TMEM164: variants seen among roughly 807,000 people sequenced by gnomAD.
TMEM164 encodes transmembrane protein 164, also known as RP13-360B22.2.
TMEM164 carries 4 observed loss-of-function variants against 18.8 expected under a neutral mutation model. The observed-to-expected ratio is 0.21, with a 90% CI of 0.10 to 0.49. The LOEUF (loss-of-function observed/expected upper bound fraction) is 0.49. Ranked by LOEUF, TMEM164 falls within the 20% of genes least tolerant of loss-of-function variation. The probability of loss-of-function intolerance (pLI) is 0.98; values close to 1 mark genes in which losing one functional copy is unlikely to be tolerated. For missense variants in TMEM164, 108 were observed against 239.9 expected, an observed-to-expected ratio of 0.45 and a Z score of 3.63; for synonymous variants, 86 against 101.7, an observed-to-expected ratio of 0.85 and a Z score of 0.93.
intron 4 of TMEM164, among the ~76,000 whole-genome samples, chrX:110,116,802 G>T (rs1405355656): frequency 9.3e-6 from 1 of 107,620 alleles, no homozygotes; most frequent in East Asian, 2.9e-4. Flanking sequence ...CTAGGTTCAT[G>T]TTCTGGCTGG....
intron 4 of TMEM164, among the ~76,000 whole-genome samples, chrX:110,112,739 C>T (rs1297367142): frequency 2.7e-5 from 3 of 111,764 alleles, no homozygotes; most frequent in African/African-American, 9.8e-5. Flanking sequence ...CCTCATGCTG[C>T]CTCTTCACTT....
intron 5 of TMEM164, among the ~76,000 whole-genome samples, chrX:110,168,769 T>G (rs894270479): frequency 8.9e-6 from 1 of 112,332 alleles, no homozygotes; most frequent in African/African-American, 3.2e-5. Context: ...GCCTTTTCCT[T>G]CTCTCTTTCT....
Position 110,097,882 on chromosome X carries a change from G to T in TMEM164, c.441-11198G>T, listed in dbSNP as rs776933426. ...TGAAAGCTGAGACTGGGAGAGTTCAGTGTTTTGCTTCTCATATACATTTTT... is the reference window on the plus strand; with the variant it reads ...TGAAAGCTGAGACTGGGAGAGTTCATTGTTTTGCTTCTCATATACATTTTT... On this transcript the variant is annotated intron_variant, in intron 3 of 6. Transcript: ENST00000372068. Among the ~76,000 whole-genome samples, 4 of 112,500 alleles carry T rather than the reference G, an allele frequency of 3.6e-5. No homozygotes were observed. In the South Asian group the frequency reaches 1.5e-3, roughly 41 times the overall value.
intron 3 of TMEM164, among the ~76,000 whole-genome samples, chrX:110,068,585 C>T (rs1012783207): frequency 1.8e-5 from 2 of 112,219 alleles, no homozygotes; most frequent in Non-Finnish European, 3.8e-5. Context: ...CCTTTCTTTT[C>T]TTAAGAAGCA....
intron 3 of TMEM164, among the ~76,000 whole-genome samples, chrX:110,098,522 C>T (rs963894996): frequency 7.3e-5 from 8 of 110,026 alleles, no homozygotes; most frequent in African/African-American, 2.6e-4. Flanking sequence ...TATAAGATAC[C>T]ATCAAATAGT....
rs1934590502 is a variant in TMEM164 at position 110,033,081 on chromosome X, A to G, written c.390+28917A>G. Among the ~76,000 whole-genome samples, 2 of 112,368 alleles carry G rather than the reference A, an allele frequency of 1.8e-5. 1 individual carries two copies. Among genetic ancestry groups the G allele is most frequent in the Admixed American group, 1.9e-4 (2 of 10,638 alleles). On this transcript the variant is annotated intron_variant, in intron 2 of 6. Transcript: ENST00000372068. ...ATTGTTGGCACGGGTTTATGTTAAA[A>G]TATAAAATGTTAAGTAGGATCTGTT...
In TMEM164 at chrX:110,101,579, GA is replaced by G. The variant is rs1483731757; in HGVS notation, c.441-7500del. Among the ~76,000 whole-genome samples, 704 of 100,386 alleles carry G rather than the reference GA, an allele frequency of 7.0e-3. 5 individuals are homozygous for G. The highest frequency in any genetic ancestry group is 0.027 in the African/African-American group (679 of 25,343). The allele number at this position is 100,386 out of a possible 115,157, so 87.2% of individuals were successfully genotyped here. The stretch of plus-strand genomic sequence containing the variant: ...TCAAAGACAAACTTTTGGTTTTATT[GA>G]TTTTTTTTTTTTTTTTTGAGACAGT... On this transcript the variant is annotated intron_variant, in intron 3 of 6. Transcript: ENST00000372068.
At chrX:110,038,083 C>T (rs1029331168) in intron 2 of TMEM164, among the ~76,000 whole-genome samples, 9 of 104,581 alleles carry the variant, frequency 8.6e-5, no homozygotes, top group Non-Finnish European at 1.2e-4. Context: ...CTCCGCCTCC[C>T]GGGTTCACGC....
At chrX:110,071,400 A>G (rs1250457594) in intron 3 of TMEM164, among the ~76,000 whole-genome samples, 3 of 110,271 alleles carry the variant, frequency 2.7e-5, no homozygotes, top group African/African-American at 9.9e-5. Flanking sequence ...TTTTTGATAT[A>G]ATAAATTACA....
intron 4 of TMEM164, among the ~76,000 whole-genome samples, chrX:110,119,827 G>T (rs1194910966): frequency 1.8e-5 from 2 of 111,939 alleles, no homozygotes; most frequent in African/African-American, 6.5e-5. Flanking sequence ...CACTGAGGAG[G>T]TGCATGCCCT....
chrX:110,036,596 G>A (rs2147771590), intron 2 of TMEM164, among the ~76,000 whole-genome samples: 1 of 112,389 alleles, frequency 8.9e-6, no homozygotes, highest in South Asian at 3.7e-4. Context: ...ATTCGATGTT[G>A]CAATTACCTG....
chrX:110,134,998 C>G (rs2066668650), intron 4 of TMEM164, among the ~76,000 whole-genome samples: 1 of 110,669 alleles, frequency 9.0e-6, no homozygotes, highest in African/African-American at 3.3e-5. Flanking sequence ...TATCTTTTAA[C>G]TTTTTTCATC....
chrX:110,149,661 A>T (rs1243528666), intron 5 of TMEM164, among the ~76,000 whole-genome samples: 3 of 112,005 alleles, frequency 2.7e-5, no homozygotes, highest in African/African-American at 9.8e-5. Flanking sequence ...CGGTTTAACT[A>T]CTAGTCTGTC....
At chrX:110,143,856 A>C (rs755068715) in intron 4 of TMEM164, among the ~76,000 whole-genome samples, 3 of 109,706 alleles carry the variant, frequency 2.7e-5, no homozygotes, top group African/African-American at 6.7e-5. Context: ...TGTATGTTAG[A>C]GATTCTGTAA....
intron 2 of TMEM164, among the ~76,000 whole-genome samples, chrX:110,027,620 C>G (rs1014683130): frequency 9.1e-6 from 1 of 109,693 alleles, no homozygotes; most frequent in African/African-American, 3.3e-5. Context: ...ATTAGCTGGG[C>G]GTGGTGGTGT....
At chrX:110,168,550 G>A (rs1031058743) in intron 5 of TMEM164, among the ~76,000 whole-genome samples, 1 of 112,386 alleles carries the variant, frequency 8.9e-6, no homozygotes, top group East Asian at 2.8e-4. Flanking sequence ...TTCTAGCCTG[G>A]AATTTCTCCA....
At position 110,176,506 on chromosome X, in the gene TMEM164, G is replaced by A. The variant is rs1057270081; in HGVS notation, c.*3055G>A. 7 of 666,643 alleles carry A rather than the reference G, an allele frequency of 1.1e-5. No homozygotes were observed. Among genetic ancestry groups the A allele is most frequent in the Non-Finnish European group, 1.3e-5 (7 of 559,938 alleles). 54.9% of individuals were successfully genotyped at this position (666,643 alleles called of 1,213,427 possible). A position where few individuals can be genotyped will look rare whatever the true frequency, so the allele number is the denominator to read the frequency against. ...ATTCATAGAAGCTGCTTGCAGGGTC[G>A]CCGGGCTAACCAGGGTGATCGGCGA... On this transcript the variant is annotated 3_prime_UTR_variant, in exon 7 of 7. Transcript: ENST00000372068.
At chrX:110,038,714 T>C (rs183769122) in intron 2 of TMEM164, among the ~76,000 whole-genome samples, 1,726 of 109,322 alleles carry the variant, frequency 0.016, 14 homozygotes, top group Non-Finnish European at 0.019. Context: ...CCACCATACC[T>C]CACCTCACCT....
intron 2 of TMEM164, among the ~76,000 whole-genome samples, chrX:110,037,956 G>C (rs897310812): frequency 9.5e-6 from 1 of 104,765 alleles, no homozygotes; most frequent in Non-Finnish European, 2.0e-5. Context: ...ATTAACTATC[G>C]TATTCCTAAA....
Sources: allele counts gnomAD v4.1 joint callset (sites outside exome capture counted in the v4.1 genomes callset), GRCh38; gene constraint gnomAD v4.1.1; transcripts MANE v1.5; gene names NCBI Gene and HGNC (gene_info 2026-07-23, HGNC 2026-07-21).